ANK2: variants seen among roughly 807,000 people sequenced by gnomAD.
ANK2 encodes ankyrin-2.
A neutral mutation model predicts 360.5 loss-of-function variants in ANK2; 83 were observed. The observed-to-expected ratio is 0.23, with a 90% CI of 0.19 to 0.28. ANK2 has a LOEUF of 0.28. ANK2 is among the 10% of genes least tolerant of loss of function. The pLI is 1.00. For synonymous variants in ANK2, 1,740 were observed against 1,759.5 expected (o/e 0.99, Z 0.28); for missense variants, 4,201 against 4,795.7 (o/e 0.88, Z 3.66).
intron 34 of ANK2, among the ~76,000 whole-genome samples, 152 bp from the exon 35 acceptor site, chr4:113,345,747 TC>T (rs2094776317): frequency 6.6e-6 from 1 of 152,218 alleles, no homozygotes. Flanking sequence ...AAAAAGGCTT[TC>T]CAAATGGTAA....
chr4:112,725,640 G>A, the ANK2 span, among the ~76,000 whole-genome samples: 3 of 152,022 alleles, frequency 2.0e-5, no homozygotes, highest in Non-Finnish European at 4.4e-5. Flanking sequence ...GATTACAGGC[G>A]TAAGCCACTG....
chr4:113,046,767 G>A (rs901429804), upstream of ANK2, among the ~76,000 whole-genome samples: 1 of 152,086 alleles, frequency 6.6e-6, no homozygotes, highest in African/African-American at 2.4e-5. Flanking sequence ...AGCCAGCAGG[G>A]TATAGCAGAC....
intron 1 of ANK2, among the ~76,000 whole-genome samples, chr4:113,159,191 C>CCACACA (rs57967546): frequency 0.13 from 19,097 of 141,822 alleles, 1,473 homozygotes; most frequent in East Asian, 0.3. Context: ...CTCTTTCCTT[C>CCACACA]CACACACACA....
chr4:112,996,005 C>T (rs2048375010), intron 2 of ANK2, among the ~76,000 whole-genome samples: 1 of 152,178 alleles, frequency 6.6e-6, no homozygotes, highest in South Asian at 2.1e-4. Flanking sequence ...AGCATAAACC[C>T]ATGCAAAGAC....
chr4:113,101,102 T>C (rs2092756554), intron 1 of ANK2, among the ~76,000 whole-genome samples: 1 of 152,106 alleles, frequency 6.6e-6, no homozygotes, highest in Non-Finnish European at 1.5e-5. Flanking sequence ...CTCATAGAAC[T>C]GTACAACATA....
At chr4:112,722,514 A>G in the ANK2 span, among the ~76,000 whole-genome samples, 1 of 152,188 alleles carries the variant, frequency 6.6e-6, no homozygotes, top group Admixed American at 6.5e-5. Context: ...CAGTGGCTCA[A>G]TAGTGTCATC....
chr4:113,305,617 A>T (rs1384580415), intron 23 of ANK2, among the ~76,000 whole-genome samples: 5 of 152,202 alleles, frequency 3.3e-5, no homozygotes, highest in Non-Finnish European at 7.3e-5. Context: ...TTGAGTATTG[A>T]TAAGTAACTT....
At chr4:112,935,728 G>A (rs2093666386) in intron 2 of ANK2, among the ~76,000 whole-genome samples, 1 of 152,064 alleles carries the variant, frequency 6.6e-6, no homozygotes, top group Non-Finnish European at 1.5e-5. Flanking sequence ...TGTATTCACA[G>A]CTACTGGGGA....
chr4:112,804,898 G>A, the ANK2 span, among the ~76,000 whole-genome samples: 2 of 151,648 alleles, frequency 1.3e-5, no homozygotes, highest in Non-Finnish European at 2.9e-5. Context: ...GGAGTTCAAG[G>A]CTGTCGTGAG....
Position 113,352,989 on chromosome 4 carries a change from G to C in ANK2, c.4427-56G>C. The C allele has an allele frequency of 1.9e-6, 3 of 1,583,410 alleles. No individual in the cohort carries two copies. The South Asian group carries it at 3.3e-5, about 18-fold the overall frequency. On this transcript the variant is annotated intron_variant, in intron 37 of 45. Coordinates refer to ENST00000357077, the MANE Select transcript of ANK2 (RefSeq NM_001148.6). ...TGTCGTTTCAGTCCTGATTACATTTGCCAATATCTTTTTTGATTTCCATTT... is the reference window on the plus strand; with the variant it reads ...TGTCGTTTCAGTCCTGATTACATTTCCCAATATCTTTTTTGATTTCCATTT...
chr4:112,762,463 A>G, the ANK2 span, among the ~76,000 whole-genome samples: 9 of 152,302 alleles, frequency 5.9e-5, no homozygotes, highest in East Asian at 1.9e-4. Flanking sequence ...AATCAGTTTA[A>G]AATATTAATC....
At chr4:112,731,918 G>A in the ANK2 span, among the ~76,000 whole-genome samples, 2 of 152,238 alleles carry the variant, frequency 1.3e-5, no homozygotes, top group African/African-American at 2.4e-5. Context: ...AGGTTCTCAA[G>A]TAGCCGGGAC....
chr4:113,363,391 G>A lies in ANK2; in HGVS notation c.10810G>A (p.Glu3604Lys). Residue 3604 changes from glutamate (E) to lysine (K), a missense_variant, in exon 40 of 46, where the codon GAA (glutamate) becomes AAA (lysine). Physicochemically the swap from Glu to Lys is moderately conservative, Grantham distance 56. Around this residue, in one of 4 missense-constraint regions of ANK2, gnomAD observed 2,642 missense variants for 2,714.5 expected, o/e 0.97. Transcript: ENST00000357077. ...TEEQIHQIRI[E>K]NPNSLQDQSH... ...GGAGCAAATTCATCAAATTCGAATT[G>A]AAAATCCCAACTCTCTTCAAGACCA... 4 of 1,613,500 alleles carry A rather than the reference G, an allele frequency of 2.5e-6. No individual in the cohort carries two copies. The highest frequency in any genetic ancestry group is 3.4e-6 in the Non-Finnish European group (4 of 1,179,672).
intron 22 of ANK2, among the ~76,000 whole-genome samples, chr4:113,296,521 T>C (rs1356599046): frequency 6.6e-6 from 1 of 152,156 alleles, no homozygotes; most frequent in Non-Finnish European, 1.5e-5. Flanking sequence ...TCTTTTGAGT[T>C]CTTTACCCCA....
intron 20 of ANK2, among the ~76,000 whole-genome samples, chr4:113,289,252 G>A (rs1231452402): frequency 8.7e-6 from 1 of 115,294 alleles, no homozygotes; most frequent in African/African-American, 3.3e-5. Flanking sequence ...GTCTTACTCT[G>A]TTGCCCAGGC....
intron 14 of ANK2, among the ~76,000 whole-genome samples, chr4:113,267,366 G>C (rs576843610): frequency 6.6e-6 from 1 of 152,294 alleles, no homozygotes; most frequent in South Asian, 2.1e-4. Context: ...TTTCTTCTAG[G>C]ATTTTTATGG....
chr4:113,033,596 TGTGTGTGTGC>T (rs2060907281), intron 2 of ANK2, among the ~76,000 whole-genome samples: 1 of 151,906 alleles, frequency 6.6e-6, no homozygotes, highest in African/African-American at 2.4e-5. Flanking sequence ...GAGAAAAAAG[TGTGTGTGTGC>T]GTGTGTGTGT....
rs145135304 is a variant in ANK2, at chr4:113,329,596, T to C, written c.2901-650T>C. 2.1e-3 allele frequency among the ~76,000 whole-genome samples: 317 copies of C among 152,288 alleles called. 2 individuals are homozygous for C. Among genetic ancestry groups the C allele is most frequent in the African/African-American group, 7.4e-3 (309 of 41,562 alleles). On this transcript the variant is annotated intron_variant, in intron 26 of 45. Transcript: ENST00000357077. ...TGTATGGGCGGGCCTACTTGTTCCC[T>C]ATCCACCTGCTGTTCATTTCAATTA...
intron 1 of ANK2, among the ~76,000 whole-genome samples, chr4:112,831,682 T>C (rs1270790219): frequency 2.6e-5 from 4 of 152,212 alleles, no homozygotes; most frequent in African/African-American, 7.2e-5. Flanking sequence ...TCTTTCATGC[T>C]GTGGAAGCTT....
Sources: gnomAD v4.1 joint callset for allele counts (sites outside exome capture counted in the v4.1 genomes callset) on GRCh38, gnomAD v4.1.1 for gene constraint, gnomAD v4.1.1 regional missense constraint, MANE v1.5 for transcripts, NCBI Gene and HGNC (gene_info 2026-07-23, HGNC 2026-07-21) for gene names.